The following CDKL3 variants were observed in gnomAD, a reference collection of about 807,000 sequenced individuals.
CDKL3 encodes the protein cyclin dependent kinase like 3.
Under a neutral mutation model 69.3 loss-of-function variants are expected in CDKL3, and 65 were observed. The ratio of observed to expected loss-of-function variants is 0.94; its 90% CI spans 0.77 to 1.15. CDKL3 has a LOEUF of 1.15. Among genes scored for constraint, CDKL3 ranks in the 50% most tolerant of loss-of-function variants. The pLI, the probability that CDKL3 is intolerant of heterozygous loss-of-function variation, is 0.00. For missense variants in CDKL3, 652 were observed against 689.2 expected (o/e 0.95, Z 0.61); for synonymous variants, 202 against 221.6 (o/e 0.91, Z 0.79).
Position 134,312,339 on chromosome 5 carries a change from A to C in CDKL3, c.834T>G (p.Ser278Arg). The change falls in exon 7 of 13, where the codon AGT becomes AGG. Residue 278 changes from serine (S) to arginine (R), a missense_variant. Physicochemically the swap from Ser to Arg is moderately radical, Grantham distance 110. Transcript: ENST00000265334. Reference sequence around the variant, plus strand: ...TAAAATACTCATGATGCAAAAGATCACTAGATGATATCCTGTCAGCAGGAT... The same window carrying C: ...TAAAATACTCATGATGCAAAAGATCCCTAGATGATATCCTGTCAGCAGGAT... ...QIDPADRISS[S>R]DLLHHEYFTR... The C allele has an allele frequency of 6.2e-7, 1 of 1,601,416 alleles. No homozygotes were observed. The highest frequency in any genetic ancestry group is 8.5e-7 in the Non-Finnish European group (1 of 1,174,510).
chr5:134,291,951 T>C (rs1054981793), intron 8 of CDKL3, among the ~76,000 whole-genome samples: 3 of 152,120 alleles, frequency 2.0e-5, no homozygotes, highest in Non-Finnish European at 4.4e-5. Flanking sequence ...GCTCTAAATA[T>C]ATATGCAGCT....
intron 4 of CDKL3, among the ~76,000 whole-genome samples, chr5:134,329,438 GTTAA>G (rs933789042): frequency 8.3e-4 from 126 of 151,954 alleles, no homozygotes; most frequent in African/African-American, 2.7e-3. Flanking sequence ...CTCTTCTTCT[GTTAA>G]TTAATTTAAT....
At chr5:134,285,306 T>C (rs1016573630), downstream of CDKL3, among the ~76,000 whole-genome samples, 4 of 152,232 alleles carry the variant, frequency 2.6e-5, no homozygotes, top group Non-Finnish European at 5.9e-5. Context: ...AGCAAACTTC[T>C]TCCTGGACAT....
At chr5:134,336,084 C>T (rs1226982237) in intron 4 of CDKL3, among the ~76,000 whole-genome samples, 2 of 152,300 alleles carry the variant, frequency 1.3e-5, no homozygotes, top group East Asian at 3.9e-4. Context: ...TCTTCAATCA[C>T]TGATATCCTT....
chr5:134,341,793 A>G (rs2149564510), intron 4 of CDKL3, among the ~76,000 whole-genome samples: 1 of 152,340 alleles, frequency 6.6e-6, no homozygotes, highest in East Asian at 1.9e-4. Flanking sequence ...AGCCAGGCAA[A>G]GATCCAATTT....
intron 3 of CDKL3, among the ~76,000 whole-genome samples, chr5:134,358,516 TTTC>T (rs1359551388): frequency 2.7e-5 from 4 of 148,142 alleles, no homozygotes; most frequent in African/African-American, 7.6e-5. Flanking sequence ...CCCTACCAGC[TTTC>T]TTTTCTTTTC....
intron 2 of CDKL3, among the ~76,000 whole-genome samples, chr5:134,365,234 C>T (rs1376682697): frequency 6.6e-6 from 1 of 152,246 alleles, no homozygotes; most frequent in East Asian, 1.9e-4. Context: ...CCACCCGCCT[C>T]AGCCTCCCAA....
intron 7 of CDKL3, among the ~76,000 whole-genome samples, chr5:134,310,845 G>A (rs890538902): frequency 3.3e-5 from 5 of 152,098 alleles, no homozygotes; most frequent in African/African-American, 9.7e-5. Flanking sequence ...CCTGAAATGC[G>A]CAAAGTTCTA....
At chr5:134,325,978 G>A (rs997183459) in intron 4 of CDKL3, among the ~76,000 whole-genome samples, 6 of 132,748 alleles carry the variant, frequency 4.5e-5, no homozygotes, top group East Asian at 2.2e-4. Flanking sequence ...GGGTTTCACC[G>A]TGTTAGCCAG....
chr5:134,284,290 C>A (rs754209492), downstream of CDKL3, among the ~76,000 whole-genome samples: 9 of 152,144 alleles, frequency 5.9e-5, no homozygotes, highest in Non-Finnish European at 1.2e-4. Context: ...GTGACATCAC[C>A]TATTGGTAGG....
chr5:134,329,267 G>A (rs1418183632), intron 4 of CDKL3, among the ~76,000 whole-genome samples: 1 of 152,116 alleles, frequency 6.6e-6, no homozygotes, highest in African/African-American at 2.4e-5. Flanking sequence ...GAGCCCAGAA[G>A]GTTGAGGCTG....
upstream of CDKL3, among the ~76,000 whole-genome samples, chr5:134,370,747 G>C (rs1483352403): frequency 6.6e-6 from 1 of 152,210 alleles, no homozygotes; most frequent in Non-Finnish European, 1.5e-5. Flanking sequence ...ATTGTTGTGT[G>C]GGCCTCAGTA....
At chr5:134,309,516 A>G (rs1471006358) in intron 7 of CDKL3, among the ~76,000 whole-genome samples, 1 of 152,194 alleles carries the variant, frequency 6.6e-6, no homozygotes, top group Non-Finnish European at 1.5e-5. Context: ...TTTCTTTTTA[A>G]AAGTTATTTT....
Position 134,308,364 on chromosome 5 carries a change from C to T in CDKL3, c.1138G>A (p.Gly380Ser). ...ISEPKKKEYEGGLGQQDANEN... is the reference protein window; with the variant it reads ...ISEPKKKEYESGLGQQDANEN... ...TTTGCATCCTGTTGACCAAGTCCACCTTCATACTCTTTCTTTTTTGGTTCT... is the reference window on the plus strand; with the variant it reads ...TTTGCATCCTGTTGACCAAGTCCACTTTCATACTCTTTCTTTTTTGGTTCT... Residue 380 changes from glycine (G) to serine (S), a missense_variant, in exon 9 of 13, where the codon GGT becomes AGT. Gly to Ser is a moderately conservative substitution (Grantham distance 56, BLOSUM62 0). Coordinates refer to ENST00000265334, the MANE Select transcript of CDKL3 (RefSeq NM_001113575.2). The T allele has an allele frequency of 6.2e-7, 1 of 1,613,754 alleles. No individual in the cohort carries two copies.
intron 4 of CDKL3, among the ~76,000 whole-genome samples, chr5:134,331,179 A>G (rs1357993568): frequency 2.0e-5 from 3 of 152,170 alleles, no homozygotes; most frequent in Non-Finnish European, 4.4e-5. Context: ...TCATCCTTCA[A>G]TTAGGGCAAT....
intron 6 of CDKL3, 129 bp from the exon 7 acceptor site, chr5:134,312,509 T>C (rs773487946): frequency 7.6e-5 from 43 of 567,894 alleles, no homozygotes; most frequent in Non-Finnish European, 1.2e-4. Context: ...AAAGATGGAA[T>C]TAGACCTCAG....
intron 5 of CDKL3, among the ~76,000 whole-genome samples, chr5:134,321,481 A>G (rs1772780622): frequency 6.6e-6 from 1 of 152,218 alleles, no homozygotes; most frequent in Non-Finnish European, 1.5e-5. Context: ...AAAGGTACAG[A>G]TATTTGTAGA....
At chr5:134,303,385 T>C (rs2149424718) in intron 11 of CDKL3, among the ~76,000 whole-genome samples, 1 of 152,200 alleles carries the variant, frequency 6.6e-6, no homozygotes. Flanking sequence ...CCTATAAATC[T>C]TATATATTTA....
upstream of CDKL3, among the ~76,000 whole-genome samples, chr5:134,368,748 A>C (rs1367338799): frequency 1.3e-5 from 2 of 152,056 alleles, no homozygotes; most frequent in African/African-American, 4.8e-5. Context: ...GTTGTGGGCT[A>C]AATATTTGCA....
Sources: allele counts gnomAD v4.1 joint callset (sites outside exome capture counted in the v4.1 genomes callset), GRCh38; gene constraint gnomAD v4.1.1; transcripts MANE v1.5; gene names NCBI Gene and HGNC (gene_info 2026-07-23, HGNC 2026-07-21).